Variants in LCP2 observed in about 807,000 individuals in gnomAD.
The protein encoded by LCP2 is lymphocyte cytosolic protein 2, also known as 76 kDa tyrosine phosphoprotein.
A neutral mutation model predicts 74.5 loss-of-function variants in LCP2; 29 were observed. The ratio of observed to expected loss-of-function variants is 0.39; its 90% CI spans 0.29 to 0.53. The LOEUF is 0.53. Among genes scored for constraint, LCP2 ranks in the 20% least tolerant of loss-of-function variants. LCP2 has a pLI of 0.72. For synonymous variants in LCP2, 228 were observed against 229.5 expected, an observed-to-expected ratio of 0.99 and a Z score of 0.06; for missense variants, 604 against 634.6, an observed-to-expected ratio of 0.95 and a Z score of 0.52.
intron 5 of LCP2, among the ~76,000 whole-genome samples, chr5:170,275,119 G>T (rs370181461): frequency 6.6e-6 from 1 of 152,128 alleles, no homozygotes; most frequent in East Asian, 1.9e-4. Context: ...CAGAACAGGG[G>T]CCATAAGCCA....
At position 170,248,092 on chromosome 5, in the gene LCP2, A is replaced by C. The variant is rs1397994365; in HGVS notation, c.*605T>G. 2.0e-5 allele frequency: 3 copies of C among 152,266 alleles called. No individual in the cohort carries two copies. Among genetic ancestry groups the C allele is most frequent in the Non-Finnish European group, 4.4e-5 (3 of 68,052 alleles). The allele number at this position is 152,266 out of a possible 1,614,324, so 9.4% of individuals were successfully genotyped here. A position where few individuals can be genotyped will look rare whatever the true frequency, so the allele number is the denominator to read the frequency against. ...TTAGGAAACCAAAAAAGTAAAGCAA[A>C]AGACTATTTTAATCCCAGAAGTTAT... On this transcript the variant is annotated 3_prime_UTR_variant, in exon 21 of 21. Coordinates refer to ENST00000046794, the MANE Select transcript of LCP2 (RefSeq NM_005565.5).
intron 2 of LCP2, among the ~76,000 whole-genome samples, chr5:170,288,734 G>A (rs1762227964): frequency 6.6e-6 from 1 of 152,192 alleles, no homozygotes; most frequent in Non-Finnish European, 1.5e-5. Flanking sequence ...ACTTGTGGGG[G>A]ATGAGCTGGG....
chr5:170,293,166 GA>G, intron 2 of LCP2, 143 bp downstream of exon 2: 2 of 739,378 alleles, frequency 2.7e-6, no homozygotes, highest in Non-Finnish European at 4.8e-6. Context: ...AAGGTAGTGA[GA>G]GAGGGGGCCC....
In LCP2 at chr5:170,250,812, T is replaced by G; in HGVS notation, c.1397A>C (p.Lys466Thr). 6.2e-7 allele frequency: 1 copy of G among 1,611,818 alleles called. No individual in the cohort carries two copies. Among genetic ancestry groups the G allele is most frequent in the Non-Finnish European group, 8.5e-7 (1 of 1,177,896 alleles). Residue 466 changes from lysine to threonine, a missense_variant, in exon 20 of 21, where the codon AAA becomes ACA. Coordinates refer to ENST00000046794, the MANE Select transcript of LCP2 (RefSeq NM_005565.5). ...TNPYVLMVLY[K>T]DKVYNIQIRY... ...GATCTGGATGTTGTAAACTTTATCT[T>G]TGTACAACACCATGAGGACATATGG... is the stretch of plus-strand genomic sequence containing the variant.
intron 6 of LCP2, among the ~76,000 whole-genome samples, chr5:170,272,407 C>T (rs141393181): frequency 1.1e-4 from 16 of 152,202 alleles, no homozygotes; most frequent in African/African-American, 3.9e-4. Context: ...GTGACCTAAA[C>T]CTTACTTGAT....
At chr5:170,269,249 G>A (rs893676865) in intron 7 of LCP2, among the ~76,000 whole-genome samples, 1 of 152,228 alleles carries the variant, frequency 6.6e-6, no homozygotes, top group Non-Finnish European at 1.5e-5. Flanking sequence ...CCTAGGCCAG[G>A]TTGACAGGCT....
In LCP2 at chr5:170,297,378, G is replaced by A. The variant is rs374178687; in HGVS notation, c.78+156C>T. 1.6e-4 allele frequency among the ~76,000 whole-genome samples: 24 copies of A among 152,290 alleles called. No individual in the cohort carries two copies. The South Asian group carries it at 3.5e-3, about 22-fold the overall frequency. On this transcript the variant is annotated intron_variant, in intron 1 of 20. Transcript: ENST00000046794. ...GAACTCATGGTCAGGAAAACTCAGCGGTCTATATGGCGCTCACTCAACCAG... is the reference window on the plus strand; with the variant it reads ...GAACTCATGGTCAGGAAAACTCAGCAGTCTATATGGCGCTCACTCAACCAG...
intron 14 of LCP2, among the ~76,000 whole-genome samples, chr5:170,260,714 A>G (rs925087556): frequency 6.6e-6 from 1 of 152,212 alleles, no homozygotes; most frequent in African/African-American, 2.4e-5. Context: ...AAGAAATGCT[A>G]TTTCCCCTCT....
chr5:170,284,500 T>C (rs1189376744), intron 3 of LCP2, among the ~76,000 whole-genome samples: 2 of 152,086 alleles, frequency 1.3e-5, no homozygotes, highest in Non-Finnish European at 2.9e-5. Flanking sequence ...CTTTTTATCA[T>C]TGGTTTTGAG....
rs1477427069 is a variant in LCP2, at chr5:170,266,876, A to G, written c.704T>C (p.Ile235Thr). 5 of 1,613,630 alleles carry G rather than the reference A, an allele frequency of 3.1e-6. No individual in the cohort carries two copies. The highest frequency in any genetic ancestry group is 2.2e-5 in the East Asian group (1 of 44,892). ...HKTAKLPAPS[I>T]DRSTKPPLDR... ...TAGGGGAGGTTTCGTGCTTCTGTCT[A>G]TTGAAGGAGCAGGGACTGGAAGGGG... Residue 235 changes from isoleucine to threonine, a missense_variant, in exon 10 of 21, where the codon ATA (isoleucine) becomes ACA (threonine). Coordinates refer to ENST00000046794, the MANE Select transcript of LCP2 (RefSeq NM_005565.5).
At chr5:170,297,003 C>T (rs1257565035) in intron 1 of LCP2, among the ~76,000 whole-genome samples, 2 of 152,196 alleles carry the variant, frequency 1.3e-5, no homozygotes, top group East Asian at 3.8e-4. Context: ...TCCAGCCCTC[C>T]CACCCTGCCT....
At chr5:170,284,076 G>T (rs1400327663) in intron 3 of LCP2, among the ~76,000 whole-genome samples, 7 of 152,166 alleles carry the variant, frequency 4.6e-5, no homozygotes. Flanking sequence ...TTTAACAAAG[G>T]CCTGACACAT....
At chr5:170,271,363 C>T (rs1203011005) in intron 6 of LCP2, among the ~76,000 whole-genome samples, 1 of 152,056 alleles carries the variant, frequency 6.6e-6, no homozygotes, top group Non-Finnish European at 1.5e-5. Context: ...CTCATTATAA[C>T]CTGGTGCAGC....
Position 170,275,336 on chromosome 5 carries a change from C to T in LCP2, c.270G>A (p.Arg90=), listed in dbSNP as rs147866765. 3.1e-6 allele frequency: 5 copies of T among 1,614,012 alleles called. No homozygotes were observed. The East Asian group carries it at 1.1e-4, about 36-fold the overall frequency. The change falls in exon 5 of 21, where the codon CGG becomes CGA. Residue 90 remains arginine, a synonymous_variant. Coordinates refer to ENST00000046794, the MANE Select transcript of LCP2 (RefSeq NM_005565.5). ...SIFTRKPQVP[R]FPEETESHEE... Reference sequence around the variant, plus strand: ...GAGCTTTACCTGTCTCTTCAGGAAACCGCGGGACTTGGGGTCTGCAAAGGT... The same window carrying T: ...GAGCTTTACCTGTCTCTTCAGGAAATCGCGGGACTTGGGGTCTGCAAAGGT...
At chr5:170,252,665 G>A (rs911128820) in intron 18 of LCP2, 154 bp from the exon 19 acceptor site, 1 of 576,556 alleles carries the variant, frequency 1.7e-6, no homozygotes, top group African/African-American at 1.9e-5. Flanking sequence ...GAGTCATTTA[G>A]CTGGGGCTAA....
intron 6 of LCP2, among the ~76,000 whole-genome samples, chr5:170,271,771 C>T (rs1008867095): frequency 6.6e-6 from 1 of 151,784 alleles, no homozygotes; most frequent in African/African-American, 2.4e-5. Context: ...GTCAATGAGC[C>T]CAGACCTCAA....
intron 2 of LCP2, among the ~76,000 whole-genome samples, chr5:170,289,882 G>A (rs916655409): frequency 2.0e-5 from 3 of 151,576 alleles, no homozygotes; most frequent in Non-Finnish European, 1.5e-5. Context: ...GCTGCCAGAG[G>A]GGTGGCGGCT....
At chr5:170,274,128 A>C (rs1761943616) in intron 6 of LCP2, 173 bp downstream of exon 6, 1 of 651,424 alleles carries the variant, frequency 1.5e-6, no homozygotes, top group African/African-American at 1.8e-5. Flanking sequence ...ATGGCTCCCA[A>C]AGCCAAAACT....
intron 13 of LCP2, among the ~76,000 whole-genome samples, chr5:170,261,755 T>A (rs1003590880): frequency 9.2e-5 from 14 of 152,158 alleles, no homozygotes; most frequent in African/African-American, 3.4e-4. Flanking sequence ...GCGACAGGCA[T>A]CTGCACTGCC....
Sources: allele counts gnomAD v4.1 joint callset (sites outside exome capture counted in the v4.1 genomes callset), GRCh38; gene constraint gnomAD v4.1.1; transcripts MANE v1.5; gene names NCBI Gene and HGNC (gene_info 2026-07-23, HGNC 2026-07-21).